The following RAD51AP1 variants were observed in gnomAD, a reference collection of about 807,000 sequenced individuals.
The protein encoded by RAD51AP1 is RAD51-associated protein 1.
A neutral mutation model predicts 34.3 loss-of-function variants in RAD51AP1; 14 were observed. The observed-to-expected ratio is 0.41, with a 90% confidence interval of 0.27 to 0.64. The LOEUF is 0.64. Among genes scored for constraint, RAD51AP1 ranks in the 30% least tolerant of loss-of-function variants. The pLI is 0.33. For synonymous variants in RAD51AP1, 114 were observed against 129.8 expected (o/e 0.88, Z 0.83); for missense variants, 348 against 386.9 (o/e 0.90, Z 0.84).
At chr12:4,556,636 C>G in intron 8 of RAD51AP1, 134 bp downstream of exon 8, 1 of 962,494 alleles carries the variant, frequency 1.0e-6, no homozygotes, top group Non-Finnish European at 1.5e-6. Flanking sequence ...TTCCTGGTTG[C>G]TGCATATATT....
At position 4,553,423 on chromosome 12, in the gene RAD51AP1, C is replaced by G. The variant is rs868442275; in HGVS notation, c.721+276C>G. Among the ~76,000 whole-genome samples the G allele has an allele frequency of 2.7e-4, 41 of 152,170 alleles. 1 individual carries two copies. The highest frequency in any genetic ancestry group is 6.3e-3 in the Middle Eastern group (2 of 316). On this transcript the variant is annotated intron_variant, in intron 7 of 8. Transcript: ENST00000352618. ...GTCACCTGCATTCTACAGTGAAAAA[C>G]TGAGTGTCAGAGAGGTTAAATAATT... is the stretch of plus-strand genomic sequence containing the variant.
At chr12:4,539,042 G>A in intron 1 of RAD51AP1, 86 bp downstream of exon 1, 1 of 1,476,554 alleles carries the variant, frequency 6.8e-7, no homozygotes, top group South Asian at 1.1e-5. Flanking sequence ...GAGTAAGACC[G>A]GAGGGCAGCG....
intron 1 of RAD51AP1, among the ~76,000 whole-genome samples, chr12:4,539,786 C>T (rs527936284): frequency 1.3e-5 from 2 of 152,088 alleles, no homozygotes; most frequent in East Asian, 3.9e-4. Flanking sequence ...GGGGATTAGG[C>T]CAGAGAAATA....
chr12:4,542,958 A>G, intron 2 of RAD51AP1, among the ~76,000 whole-genome samples: 1 of 152,342 alleles, frequency 6.6e-6, no homozygotes, highest in East Asian at 1.9e-4. Context: ...GAAAGAGAAA[A>G]TACTACTATT....
At chr12:4,555,674 AC>A (rs1340910427) in intron 7 of RAD51AP1, among the ~76,000 whole-genome samples, 1 of 151,900 alleles carries the variant, frequency 6.6e-6, no homozygotes, top group East Asian at 1.9e-4. Context: ...TGCACACTGT[AC>A]TCCCTCTGCC....
At chr12:4,548,284 A>C (rs1250282162) in intron 5 of RAD51AP1, 106 bp downstream of exon 5, 1 of 1,432,644 alleles carries the variant, frequency 7.0e-7, no homozygotes, top group African/African-American at 1.5e-5. Flanking sequence ...AAATTTGTCA[A>C]GACTCTCTTG....
At chr12:4,549,279 T>C (rs150778333) in intron 6 of RAD51AP1, among the ~76,000 whole-genome samples, 1 of 152,324 alleles carries the variant, frequency 6.6e-6, no homozygotes, top group East Asian at 1.9e-4. Context: ...GCAGAAGTGA[T>C]ATGAAATCTA....
chr12:4,545,948 G>A (rs1944503125), intron 3 of RAD51AP1: 3 of 1,237,538 alleles, frequency 2.4e-6, no homozygotes, highest in South Asian at 2.9e-5. Context: ...GGGAGTGGGT[G>A]AGGTCAAGGA....
chr12:4,539,010 A>G (rs893028912), intron 1 of RAD51AP1, 54 bp downstream of exon 1: 41 of 1,587,046 alleles, frequency 2.6e-5, no homozygotes, highest in Non-Finnish European at 3.5e-5. Context: ...GGGAAAAGAC[A>G]TGAGACTAAG....
At chr12:4,550,073 T>C (rs1029714338) in intron 6 of RAD51AP1, among the ~76,000 whole-genome samples, 3 of 152,178 alleles carry the variant, frequency 2.0e-5, no homozygotes, top group Non-Finnish European at 4.4e-5. Flanking sequence ...AAGATAAGTC[T>C]TTTCTCTAAC....
chr12:4,556,965 C>CT (rs1944587212), intron 8 of RAD51AP1, among the ~76,000 whole-genome samples: 1 of 152,332 alleles, frequency 6.6e-6, no homozygotes, highest in South Asian at 2.1e-4. Context: ...CAACCTCTTG[C>CT]TTTCACAAAT....
At chr12:4,555,985 T>C (rs1944579318) in intron 7 of RAD51AP1, among the ~76,000 whole-genome samples, 1 of 152,216 alleles carries the variant, frequency 6.6e-6, no homozygotes, top group Non-Finnish European at 1.5e-5. Context: ...GACACTATTG[T>C]GTAATGGTTA....
intron 6 of RAD51AP1, 41 bp downstream of exon 6, chr12:4,548,877 C>G (rs1309512699): frequency 6.3e-7 from 1 of 1,595,164 alleles, no homozygotes; most frequent in African/African-American, 1.4e-5. Flanking sequence ...TATGGGAATT[C>G]AGTCAAAAAA....
chr12:4,548,802 T>C lies in RAD51AP1; in HGVS notation c.522T>C (p.Asp174=). The change falls in exon 6 of 9, where the codon GAT becomes GAC. Residue 174 remains aspartate (D), a synonymous_variant. Transcript: ENST00000352618. ...TTCTTCTGGAAGGCAGTGATGGTGATAGTGCTAATGACACTGAACCAGACT... is the reference window on the plus strand; with the variant it reads ...TTCTTCTGGAAGGCAGTGATGGTGACAGTGCTAATGACACTGAACCAGACT... ...RKILLEGSDG[D]SANDTEPDFA... is the part of the protein sequence containing the mutation. The C allele has an allele frequency of 6.2e-7, 1 of 1,614,110 alleles. No individual in the cohort carries two copies. Among genetic ancestry groups the C allele is most frequent in the Non-Finnish European group, 8.5e-7 (1 of 1,179,972 alleles).
intron 3 of RAD51AP1, chr12:4,545,948 G>T: frequency 8.1e-7 from 1 of 1,237,656 alleles, no homozygotes. Flanking sequence ...GGGAGTGGGT[G>T]AGGTCAAGGA....
intron 6 of RAD51AP1, among the ~76,000 whole-genome samples, chr12:4,551,046 A>G (rs1053116270): frequency 3.9e-5 from 6 of 152,196 alleles, no homozygotes; most frequent in Non-Finnish European, 7.3e-5. Context: ...TAAGAGAGGG[A>G]CAACCACACA....
intron 2 of RAD51AP1, 152 bp from the exon 3 acceptor site, chr12:4,543,611 G>A (rs952266290): frequency 5.7e-6 from 3 of 523,416 alleles, no homozygotes; most frequent in Admixed American, 3.8e-5. Flanking sequence ...AGATAAATGA[G>A]AGTAAAGATA....
chr12:4,551,799 T>A (rs1591774075), intron 6 of RAD51AP1, among the ~76,000 whole-genome samples: 1 of 152,310 alleles, frequency 6.6e-6, no homozygotes, highest in East Asian at 1.9e-4. Flanking sequence ...ATGTGATGCC[T>A]TGATTTTATT....
intron 4 of RAD51AP1, 102 bp from the exon 5 acceptor site, chr12:4,547,990 T>A (rs1208068197): frequency 2.5e-6 from 3 of 1,211,732 alleles, no homozygotes; most frequent in African/African-American, 1.6e-5. Flanking sequence ...TTTGGGATCA[T>A]TTATTTATAT....
Sources: gnomAD v4.1 joint callset for allele counts (sites outside exome capture counted in the v4.1 genomes callset) on GRCh38, gnomAD v4.1.1 for gene constraint, MANE v1.5 for transcripts, NCBI Gene and HGNC (gene_info 2026-07-23, HGNC 2026-07-21) for gene names.